Variants in ADAMTS14 observed in about 807,000 individuals in gnomAD.
ADAMTS14 encodes A disintegrin and metalloproteinase with thrombospondin motifs 14.
Under a neutral mutation model 128.6 loss-of-function variants are expected in ADAMTS14, and 100 were observed. The ratio of observed to expected loss-of-function variants is 0.78; its 90% CI spans 0.66 to 0.92. The LOEUF (loss-of-function observed/expected upper bound fraction) is 0.92, where lower values mean the gene tolerates loss of function less well. ADAMTS14 is among the 40% of genes least tolerant of loss of function. The pLI is 0.00. For missense variants in ADAMTS14, 1,562 were observed against 1,658.6 expected (o/e 0.94, Z 1.01); for synonymous variants, 665 against 653.8 (o/e 1.02, Z -0.26).
intron 4 of ADAMTS14, among the ~76,000 whole-genome samples, chr10:70,711,358 C>T (rs1190754331): frequency 6.6e-6 from 1 of 152,218 alleles, no homozygotes; most frequent in African/African-American, 2.4e-5. Flanking sequence ...ACCTGGGTCA[C>T]GTGCCACTCT....
At chr10:70,716,194 T>C (rs1841034647) in intron 4 of ADAMTS14, among the ~76,000 whole-genome samples, 1 of 152,164 alleles carries the variant, frequency 6.6e-6, no homozygotes. Flanking sequence ...AGGAGAGTAA[T>C]GATCTTCCCA....
chr10:70,703,662 A>G (rs1840562592), intron 3 of ADAMTS14, among the ~76,000 whole-genome samples: 1 of 152,212 alleles, frequency 6.6e-6, no homozygotes, highest in Non-Finnish European at 1.5e-5. Flanking sequence ...TCCAAAGACC[A>G]TAAGGTCCCC....
chr10:70,683,745 G>A (rs1039655464), intron 2 of ADAMTS14, among the ~76,000 whole-genome samples: 31 of 152,178 alleles, frequency 2.0e-4, no homozygotes, highest in African/African-American at 6.8e-4. Flanking sequence ...GCTGTGCTCC[G>A]CTGAAGGGTG....
chr10:70,681,330 C>T (rs372276243), intron 2 of ADAMTS14, among the ~76,000 whole-genome samples: 30 of 152,120 alleles, frequency 2.0e-4, no homozygotes, highest in East Asian at 1.7e-3. Context: ...TTCAAAGCCA[C>T]GGAGTGAGAA....
intron 21 of ADAMTS14, 47 bp downstream of exon 21, chr10:70,758,332 G>A (rs751815911): frequency 1.0e-5 from 16 of 1,546,708 alleles, no homozygotes; most frequent in Non-Finnish European, 1.3e-5. Flanking sequence ...ACCTTTCAGT[G>A]GCCCTGGTGT....
intron 10 of ADAMTS14, among the ~76,000 whole-genome samples, chr10:70,737,823 T>C (rs1048435403): frequency 2.0e-5 from 3 of 152,192 alleles, no homozygotes; most frequent in African/African-American, 4.8e-5. Context: ...ATCCTGGTAG[T>C]TTTAAAACCC....
At chr10:70,757,203 T>A (rs12777498) in intron 19 of ADAMTS14, among the ~76,000 whole-genome samples, 50,072 of 151,824 alleles carry the variant, frequency 0.33, 8,693 homozygotes, top group Non-Finnish European at 0.38. Flanking sequence ...TTGTCAGAGT[T>A]AGAGTGGGTC....
chr10:70,724,744 A>G (rs1841374413), intron 4 of ADAMTS14, among the ~76,000 whole-genome samples: 2 of 152,056 alleles, frequency 1.3e-5, no homozygotes, highest in African/African-American at 4.8e-5. Context: ...GCGCCAGAGG[A>G]CTGCAACAGG....
intron 4 of ADAMTS14, among the ~76,000 whole-genome samples, chr10:70,722,082 TTGC>T (rs1225568450): frequency 6.6e-6 from 1 of 152,210 alleles, no homozygotes; most frequent in African/African-American, 2.4e-5. Flanking sequence ...ACAGAGGCTC[TTGC>T]TTGCACTGGC....
At position 70,760,790 on chromosome 10, in the gene ADAMTS14, G is replaced by T; in HGVS notation, c.3609G>T (p.Gly1203=). The T allele has an allele frequency of 6.2e-7, 1 of 1,609,330 alleles. No homozygotes were observed. Among genetic ancestry groups the T allele is most frequent in the Non-Finnish European group, 8.5e-7 (1 of 1,177,008 alleles). ...CTACGCCAGTCCCTGAGGACAAAGG[G>T]CAACCTGGAGAAGACCTGAGACATC... ...QTPTPVPEDK[G]QPGEDLRHPG... is the part of the protein sequence containing the mutation. The change falls in exon 22 of 22, where the codon GGG becomes GGT. Residue 1203 remains glycine (G), a synonymous_variant. Transcript: ENST00000373207.
rs1256329568 is a variant in ADAMTS14 at position 70,735,181 on chromosome 10, C to A, written c.1365C>A (p.Cys455Ter). Residue 455 changes from cysteine to a stop codon, truncating the protein, a stop_gained, in exon 9 of 22, where the codon TGC (cysteine) becomes TGA (stop). Coordinates refer to ENST00000373207, the MANE Select transcript of ADAMTS14 (RefSeq NM_080722.4). LOFTEE classifies it high-confidence loss of function. ...ELSRYLPSYD[C>*]LLDDPFDPAW... Reference sequence around the variant, plus strand: ...TCTCTACTGGCAGCTCCTACGACTGCCTCCTCGATGACCCCTTTGATCCTG... The same window carrying A: ...TCTCTACTGGCAGCTCCTACGACTGACTCCTCGATGACCCCTTTGATCCTG... 8 of 1,612,414 alleles carry A rather than the reference C, an allele frequency of 5.0e-6. No individual in the cohort carries two copies. The Admixed American group carries it at 1.2e-4, about 24-fold the overall frequency.
At chr10:70,703,843 C>T (rs960079707) in intron 3 of ADAMTS14, among the ~76,000 whole-genome samples, 13 of 152,222 alleles carry the variant, frequency 8.5e-5, no homozygotes, top group Admixed American at 2.0e-4. Context: ...CACCAGGCTC[C>T]GGGGCTGGAA....
intron 2 of ADAMTS14, among the ~76,000 whole-genome samples, chr10:70,698,474 A>G (rs912201264): frequency 1.6e-4 from 25 of 152,296 alleles, no homozygotes; most frequent in African/African-American, 5.8e-4. Flanking sequence ...CAGGGAAACC[A>G]AGGTCTGAGG....
chr10:70,751,595 T>C lies in ADAMTS14; in HGVS notation c.2545T>C (p.Tyr849His). Reference sequence around the variant, plus strand: ...TGTGCTCCTGGAGGAGATGGACACCTATGAGTGGGCGCTCAAGAGCTGGGC... The same window carrying C: ...TGTGCTCCTGGAGGAGATGGACACCCATGAGTGGGCGCTCAAGAGCTGGGC... ...NNVLLEEMDT[Y>H]EWALKSWAPC... The change falls in exon 17 of 22, where the codon TAT (tyrosine) becomes CAT (histidine). Residue 849 changes from tyrosine (Y) to histidine (H), a missense_variant. By Grantham distance (83) the Tyr-to-His change is moderately conservative. Transcript: ENST00000373207. 6.2e-7 allele frequency: 1 copy of C among 1,613,450 alleles called. No homozygotes were observed. The highest frequency in any genetic ancestry group is 8.5e-7 in the Non-Finnish European group (1 of 1,179,494).
intron 3 of ADAMTS14, among the ~76,000 whole-genome samples, chr10:70,702,817 C>G (rs1044101391): frequency 6.6e-6 from 1 of 152,140 alleles, no homozygotes; most frequent in Admixed American, 6.5e-5. Flanking sequence ...TGACTCAACC[C>G]TTGGGAGCCA....
At chr10:70,728,848 C>G (rs1013313357) in intron 4 of ADAMTS14, among the ~76,000 whole-genome samples, 5 of 152,186 alleles carry the variant, frequency 3.3e-5, no homozygotes, top group Non-Finnish European at 7.3e-5. Flanking sequence ...ACTGCTGCCT[C>G]CCCAGGGCCG....
At chr10:70,674,121 T>A (rs826466) in intron 1 of ADAMTS14, among the ~76,000 whole-genome samples, 1,535 of 152,224 alleles carry the variant, frequency 0.01, 12 homozygotes, top group Non-Finnish European at 0.016. Flanking sequence ...TTCTTGGAAG[T>A]TTGGGGAGGA....
intron 4 of ADAMTS14, among the ~76,000 whole-genome samples, chr10:70,727,274 C>T (rs1297085068): frequency 6.6e-6 from 1 of 152,230 alleles, no homozygotes; most frequent in Non-Finnish European, 1.5e-5. Context: ...CCTCCTGGCT[C>T]ACCCCTTGCC....
rs796620654 is a variant in ADAMTS14, at chr10:70,715,970, A to G, written c.870+7192A>G. On this transcript the variant is annotated intron_variant, in intron 4 of 21. Transcript: ENST00000373207. ...TTTACTGTTGGAGGAAGGCAGGCTC[A>G]GTAACCCATTCTAACCTTCTTGGCC... Among the ~76,000 whole-genome samples, 39 of 152,332 alleles carry G rather than the reference A, an allele frequency of 2.6e-4. 1 individual carries two copies. Among genetic ancestry groups the G allele is most frequent in the African/African-American group, 9.1e-4 (38 of 41,578 alleles).
Sources: gnomAD v4.1 joint callset for allele counts (sites outside exome capture counted in the v4.1 genomes callset) on GRCh38, gnomAD v4.1.1 for gene constraint, MANE v1.5 for transcripts, NCBI Gene and HGNC (gene_info 2026-07-23, HGNC 2026-07-21) for gene names.